CPNE4: variants seen among roughly 807,000 people sequenced by gnomAD.
The protein encoded by CPNE4 is copine 4.
In CPNE4, 25 loss-of-function variants were observed where a neutral mutation model predicts 67.9. The ratio of observed to expected loss-of-function variants is 0.37; its 90% CI spans 0.27 to 0.51. CPNE4 has a LOEUF of 0.51. Ranked by LOEUF, CPNE4 falls within the 20% of genes least tolerant of loss-of-function variation. The probability of loss-of-function intolerance (pLI) is 0.93; values close to 1 mark genes in which losing one functional copy is unlikely to be tolerated. For missense variants in CPNE4, 464 were observed against 690.8 expected (o/e 0.67, Z 3.68); for synonymous variants, 242 against 244.9 (o/e 0.99, Z 0.11).
chr3:131,906,005 C>T (rs1327259223), intron 1 of CPNE4, among the ~76,000 whole-genome samples: 2 of 152,124 alleles, frequency 1.3e-5, no homozygotes, highest in Admixed American at 1.3e-4. Context: ...AATCCCTGTG[C>T]CCAAATGCAC....
chr3:131,663,489 A>T (rs970729326), intron 7 of CPNE4, among the ~76,000 whole-genome samples: 1 of 146,396 alleles, frequency 6.8e-6, no homozygotes, highest in Admixed American at 6.7e-5. Context: ...AACGTAAATT[A>T]AAAAAAATAA....
intron 7 of CPNE4, among the ~76,000 whole-genome samples, chr3:131,596,621 CAAAAAAAAAA>C (rs58456346): frequency 3.3e-4 from 11 of 32,956 alleles, no homozygotes; most frequent in South Asian, 2.5e-3. Flanking sequence ...GACTCCGTCT[CAAAAAAAAAA>C]AAAAAAAAAA....
chr3:132,001,124 G>C (rs1316071213), intron 1 of CPNE4, among the ~76,000 whole-genome samples: 1 of 151,950 alleles, frequency 6.6e-6, no homozygotes, highest in Non-Finnish European at 1.5e-5. Context: ...TACAAGGAGG[G>C]AAAAGGAGAA....
At chr3:131,904,335 A>T (rs569832778) in intron 2 of CPNE4, among the ~76,000 whole-genome samples, 79 of 152,072 alleles carry the variant, frequency 5.2e-4, no homozygotes, top group African/African-American at 1.9e-3. Context: ...CACATGCAGG[A>T]TTCATCTTTC....
At chr3:132,032,551 TGAGA>T (rs1048111155) in intron 1 of CPNE4, among the ~76,000 whole-genome samples, 1 of 152,246 alleles carries the variant, frequency 6.6e-6, no homozygotes, top group Non-Finnish European at 1.5e-5. Context: ...AATCTTCCCA[TGAGA>T]GATAGTTGAG....
chr3:131,606,281 A>G (rs1939497465), intron 7 of CPNE4, among the ~76,000 whole-genome samples: 1 of 152,220 alleles, frequency 6.6e-6, no homozygotes, highest in Admixed American at 6.5e-5. Flanking sequence ...TTATTGCCTA[A>G]TGCAACCACC....
intron 2 of CPNE4, among the ~76,000 whole-genome samples, chr3:131,848,388 A>C (rs935768055): frequency 6.6e-6 from 1 of 152,032 alleles, no homozygotes; most frequent in Non-Finnish European, 1.5e-5. Context: ...ATCTCATCAC[A>C]CTAGTCCCCA....
At chr3:131,660,256 T>C (rs1029848293) in intron 7 of CPNE4, among the ~76,000 whole-genome samples, 7 of 152,206 alleles carry the variant, frequency 4.6e-5, no homozygotes, top group African/African-American at 1.7e-4. Flanking sequence ...GAAAAAGTTA[T>C]TTTGACATTG....
At chr3:131,931,724 G>A (rs144404944) in intron 1 of CPNE4, among the ~76,000 whole-genome samples, 74 of 152,098 alleles carry the variant, frequency 4.9e-4, no homozygotes, top group Non-Finnish European at 8.5e-4. Context: ...AAAGTCAGTT[G>A]GCACATTTTT....
At chr3:131,575,236 AG>A in intron 9 of CPNE4, 106 bp from the exon 10 acceptor site, 1 of 868,692 alleles carries the variant, frequency 1.2e-6, no homozygotes, top group Non-Finnish European at 1.9e-6. Flanking sequence ...ACCAGAGGAA[AG>A]GGCAGACAGA....
At chr3:131,695,331 G>A (rs926478525) in intron 5 of CPNE4, among the ~76,000 whole-genome samples, 15 of 152,136 alleles carry the variant, frequency 9.9e-5, no homozygotes, top group Admixed American at 7.9e-4. Context: ...TGCTGCAGGG[G>A]GCTCTTTCAA....
At chr3:131,799,920 T>G (rs146614008) in intron 2 of CPNE4, among the ~76,000 whole-genome samples, 12 of 2,158 alleles carry the variant, frequency 5.6e-3, no homozygotes, top group East Asian at 0.034. Flanking sequence ...GTGTGTGTGT[T>G]GTGTGTGTGT....
At chr3:131,737,209 C>T (rs369331513) in intron 2 of CPNE4, among the ~76,000 whole-genome samples, 132 of 148,454 alleles carry the variant, frequency 8.9e-4, no homozygotes, top group African/African-American at 2.5e-3. Flanking sequence ...CTCTAACCTC[C>T]GCCTCCCGAG....
intron 1 of CPNE4, among the ~76,000 whole-genome samples, chr3:132,022,446 A>C (rs947437137): frequency 1.3e-5 from 2 of 152,214 alleles, no homozygotes; most frequent in African/African-American, 4.8e-5. Flanking sequence ...GGGACAGCAC[A>C]GATTCCTGCT....
chr3:131,924,774 T>G (rs539376360), intron 1 of CPNE4, among the ~76,000 whole-genome samples: 1 of 152,260 alleles, frequency 6.6e-6, no homozygotes, highest in East Asian at 1.9e-4. Flanking sequence ...ATTAAACCCC[T>G]AAACTAATCA....
chr3:131,738,854 C>CTTTTTTTTTTTTT (rs34053204), intron 2 of CPNE4, among the ~76,000 whole-genome samples: 1 of 140,134 alleles, frequency 7.1e-6, no homozygotes. Context: ...TTTTCTTTTT[C>CTTTTTTTTTTTTT]TTTTTTTTTT....
At position 131,723,537 on chromosome 3, in the gene CPNE4, C is replaced by T. The variant is rs201239059; in HGVS notation, c.269G>A (p.Arg90His). 198 of 1,613,884 alleles carry T rather than the reference C, an allele frequency of 1.2e-4. No individual in the cohort carries two copies. The highest frequency in any genetic ancestry group is 1.7e-4 in the Middle Eastern group (1 of 5,984). Residue 90 changes from arginine (R) to histidine (H), a missense_variant, in exon 3 of 16, where the codon CGC becomes CAC. Transcript: ENST00000429747. ...GATGTCATGGACTTCAAACCGCAGG[C>T]GCTGCACCTCCTCAAAGTAAAAGTC... is the stretch of plus-strand genomic sequence containing the variant. ...TVDFYFEEVQ[R>H]LRFEVHDISS...
At chr3:131,688,053 T>C (rs2080938653) in intron 5 of CPNE4, among the ~76,000 whole-genome samples, 1 of 152,228 alleles carries the variant, frequency 6.6e-6, no homozygotes, top group Admixed American at 6.5e-5. Flanking sequence ...GTCTTTGCAC[T>C]GGCCTGGAGA....
intron 2 of CPNE4, among the ~76,000 whole-genome samples, chr3:131,857,283 G>A (rs780317500): frequency 1.3e-5 from 2 of 151,968 alleles, no homozygotes; most frequent in Non-Finnish European, 2.9e-5. Context: ...ACTGATTGTG[G>A]GTGCTTTCTT....
Sources: gnomAD v4.1 joint callset for allele counts (sites outside exome capture counted in the v4.1 genomes callset) on GRCh38, gnomAD v4.1.1 for gene constraint, MANE v1.5 for transcripts, NCBI Gene and HGNC (gene_info 2026-07-23, HGNC 2026-07-21) for gene names.